The following CCDC9 variants were observed in gnomAD, a reference collection of about 807,000 sequenced individuals.
CCDC9 encodes coiled-coil domain containing 9, also known as coiled-coil domain-containing protein 9.
CCDC9 carries 52 observed loss-of-function variants against 65.6 expected under a neutral mutation model. The observed-to-expected ratio is 0.79, with a 90% CI of 0.63 to 1.00. The LOEUF is 1.00. CCDC9 is among the 50% of genes least tolerant of loss of function. The pLI is 0.00. For synonymous variants in CCDC9, 332 were observed against 280.3 expected (o/e 1.18, Z -1.84); for missense variants, 834 against 757.2 (o/e 1.10, Z -1.19).
chr19:47,265,778 C>T (rs896657984), intron 7 of CCDC9, among the ~76,000 whole-genome samples: 1 of 150,692 alleles, frequency 6.6e-6, no homozygotes, highest in Non-Finnish European at 1.5e-5. Context: ...AGCTCCGACT[C>T]CCGGGTTCAC....
At chr19:47,273,576 G>T, downstream of CCDC9, 1 of 420,080 alleles carries the variant, frequency 2.4e-6, no homozygotes, top group Non-Finnish European at 4.0e-6. Context: ...AAGGGGGGAG[G>T]AGCCAGGGTC....
chr19:47,275,222 CG>C, downstream of CCDC9: 1 of 1,528,958 alleles, frequency 6.5e-7, no homozygotes, highest in Non-Finnish European at 8.8e-7. Context: ...GAGTCCCCGG[CG>C]GGCCGCGACC....
downstream of CCDC9, among the ~76,000 whole-genome samples, chr19:47,274,271 C>T (rs1348400844): frequency 1.3e-5 from 2 of 150,190 alleles, no homozygotes; most frequent in Non-Finnish European, 3.0e-5. Context: ...AGCTAGGCTG[C>T]CTGGGCGGGG....
chr19:47,272,168 GA>G (rs1297292219), downstream of CCDC9: 5 of 1,234,448 alleles, frequency 4.1e-6, no homozygotes, highest in Non-Finnish European at 5.1e-6. Flanking sequence ...CCAGGTGGGG[GA>G]GTGCATGGGG....
In CCDC9 at chr19:47,264,054, G is replaced by A. The variant is rs118042891; in HGVS notation, c.463-549G>A. 5.3e-3 allele frequency among the ~76,000 whole-genome samples: 792 copies of A among 150,594 alleles called. 7 individuals are homozygous for A. The highest frequency in any genetic ancestry group is 0.028 in the South Asian group (133 of 4,774). ...CCACCATGCTTGGCTAATTTTTTTCGTATTTTTAGTGAGATGGGGTTTCCC... is the reference window on the plus strand; with the variant it reads ...CCACCATGCTTGGCTAATTTTTTTCATATTTTTAGTGAGATGGGGTTTCCC... On this transcript the variant is annotated intron_variant, in intron 5 of 11. Transcript: ENST00000221922.
rs1422502678 is a variant in CCDC9, at chr19:47,271,838, G to C, written c.*160G>C. 1 of 1,419,916 alleles carries C rather than the reference G, an allele frequency of 7.0e-7. No individual in the cohort carries two copies. The highest frequency in any genetic ancestry group is 9.2e-7 in the Non-Finnish European group (1 of 1,090,884). 88.0% of individuals were successfully genotyped at this position (1,419,916 alleles called of 1,614,324 possible). On this transcript the variant is annotated 3_prime_UTR_variant, in exon 12 of 12. Transcript: ENST00000221922. ...GTGCCCCACAGCCCTGTCAGCTGAG[G>C]GGGTAGCGCAGCCCATGCTCTTCTG...
In CCDC9 at chr19:47,259,977, C is replaced by T. The variant is rs759423222; in HGVS notation, c.109-344C>T. 8.0e-4 allele frequency among the ~76,000 whole-genome samples: 122 copies of T among 152,106 alleles called. 2 individuals are homozygous for T. Among genetic ancestry groups the T allele is most frequent in the Non-Finnish European group, 2.6e-4 (18 of 68,028 alleles). On this transcript the variant is annotated intron_variant, in intron 3 of 11. Transcript: ENST00000221922. ...TGTTCCTGGCAGAGGGATCCGCTGG[C>T]GCAAAGCCCCTGAGGCAGGTTTCAG...
chr19:47,263,014 G>A (rs2059055770), intron 5 of CCDC9, among the ~76,000 whole-genome samples: 1 of 150,954 alleles, frequency 6.6e-6, no homozygotes, highest in Non-Finnish European at 1.5e-5. Context: ...CACTTGGGAG[G>A]CTGAGCCTGG....
At chr19:47,260,145 A>G (rs2059035296) in intron 3 of CCDC9, among the ~76,000 whole-genome samples, 176 bp from the exon 4 acceptor site, 1 of 152,126 alleles carries the variant, frequency 6.6e-6, no homozygotes, top group African/African-American at 2.4e-5. Flanking sequence ...CACCACAGGA[A>G]CGTTCTGAGT....
At position 47,271,718 on chromosome 19, in the gene CCDC9, TGTGTGTGTGTGTGTGCGCGCGC is replaced by T. The variant is rs1473181862; in HGVS notation, c.*42_*63del. 61 of 1,382,102 alleles carry T rather than the reference TGTGTGTGTGTGTGTGCGCGCGC, an allele frequency of 4.4e-5. No homozygotes were observed. The highest frequency in any genetic ancestry group is 3.8e-4 in the African/African-American group (18 of 47,542). 85.6% of individuals were successfully genotyped at this position (1,382,102 alleles called of 1,614,324 possible). ...GTGTGTGTGTGTGTGTGTGTGTGTG[TGTGTGTGTGTGTGTGCGCGCGC>T]GCGCGCGCGCGCGCGCGCGCTAGAG... is the stretch of plus-strand genomic sequence containing the variant. On this transcript the variant is annotated 3_prime_UTR_variant, in exon 12 of 12. Transcript: ENST00000221922.
chr19:47,271,680 G>C lies in CCDC9; in HGVS notation c.*2G>C, dbSNP rs117217343. The C allele has an allele frequency of 2.3e-3, 3,528 of 1,555,802 alleles. 12 individuals carry two copies. The highest frequency in any genetic ancestry group is 0.01 in the Middle Eastern group (45 of 4,302). On this transcript the variant is annotated 3_prime_UTR_variant, in exon 12 of 12. Coordinates refer to ENST00000221922, the MANE Select transcript of CCDC9 (RefSeq NM_015603.3). ...GCCTGGCCTTTTGAGAGTGTATGAA[G>C]CTGGCTGCCTGTGTGTGTGTGTGTG...
At chr19:47,265,039 T>C in intron 7 of CCDC9, 93 bp downstream of exon 7, 1 of 1,110,516 alleles carries the variant, frequency 9.0e-7, no homozygotes, top group East Asian at 2.9e-5. Context: ...ATGGGGCCTC[T>C]CCTTTTTTGT....
chr19:47,264,109 G>C (rs1250079080), intron 5 of CCDC9, among the ~76,000 whole-genome samples: 1 of 151,694 alleles, frequency 6.6e-6, no homozygotes, highest in Non-Finnish European at 1.5e-5. Flanking sequence ...TCAAACTCCT[G>C]ACCTCAGGTG....
chr19:47,268,098 C>A (rs946340311), intron 8 of CCDC9, among the ~76,000 whole-genome samples: 8 of 152,076 alleles, frequency 5.3e-5, no homozygotes, highest in Admixed American at 2.6e-4. Flanking sequence ...TCACCCACCT[C>A]AGCCTCCCAA....
At chr19:47,275,058 C>G (rs902632407), downstream of CCDC9, 15 of 1,494,638 alleles carry the variant, frequency 1.0e-5, no homozygotes, top group Non-Finnish European at 1.3e-5. Context: ...TGCCGTGCTG[C>G]TCGCCGTGTA....
At position 47,270,538 on chromosome 19, in the gene CCDC9, T is replaced by G. The variant is rs1348440253; in HGVS notation, c.950-15T>G. The G allele has an allele frequency of 6.2e-7, 1 of 1,614,046 alleles. No homozygotes were observed. The highest frequency in any genetic ancestry group is 1.3e-5 in the African/African-American group (1 of 74,938). ...CACACCTTCCCTTCCCAATGACACC[T>G]GGGTTCTGTTGCAGATGACCAGGCC... On this transcript the variant is annotated splice_polypyrimidine_tract_variant and intron_variant, in intron 9 of 11. Coordinates refer to ENST00000221922, the MANE Select transcript of CCDC9 (RefSeq NM_015603.3).
rs774294541 is a variant in CCDC9, at chr19:47,271,424, C to G, written c.1342C>G (p.Gln448Glu). The change falls in exon 12 of 12, where the codon CAA (glutamine) becomes GAA (glutamate). Residue 448 changes from glutamine to glutamate, a missense_variant. Physicochemically the swap from Gln to Glu is conservative, Grantham distance 29. Coordinates refer to ENST00000221922, the MANE Select transcript of CCDC9 (RefSeq NM_015603.3). The stretch of plus-strand genomic sequence containing the variant: ...AGAAGGTGATGAGGAGGAACCAGCC[C>G]AAGACCACCAAGCCCCAGAGGCTGC... Reference protein sequence around the residue: ...VEEGDEEEPAQDHQAPEAAPT... With the variant: ...VEEGDEEEPAEDHQAPEAAPT... 8.7e-6 allele frequency: 14 copies of G among 1,613,838 alleles called. No individual in the cohort carries two copies. Among genetic ancestry groups the G allele is most frequent in the Admixed American group, 3.3e-5 (2 of 59,994 alleles).
At chr19:47,266,860 G>T (rs1193054590) in intron 8 of CCDC9, 68 bp downstream of exon 8, 5 of 1,523,802 alleles carry the variant, frequency 3.3e-6, no homozygotes, top group African/African-American at 1.4e-5. Flanking sequence ...TAAGTCCTAT[G>T]CCTCTCTCTG....
At chr19:47,275,199 T>C, downstream of CCDC9, 1 of 1,514,696 alleles carries the variant, frequency 6.6e-7, no homozygotes, top group Non-Finnish European at 8.8e-7. Context: ...TGCCTCCCTC[T>C]CCTGCCTCCT....
Sources: allele counts gnomAD v4.1 joint callset (sites outside exome capture counted in the v4.1 genomes callset), GRCh38; gene constraint gnomAD v4.1.1; transcripts MANE v1.5; gene names NCBI Gene and HGNC (gene_info 2026-07-23, HGNC 2026-07-21).